Variants in KAZN observed in about 807,000 individuals in gnomAD.
KAZN encodes the protein kazrin.
KAZN carries 40 observed loss-of-function variants against 87.4 expected under a neutral mutation model. That is an observed-to-expected ratio of 0.46 (90% CI 0.36 to 0.60). The LOEUF (loss-of-function observed/expected upper bound fraction) is 0.60, where lower values mean the gene tolerates loss of function less well. Ranked by LOEUF, KAZN falls within the 20% of genes least tolerant of loss-of-function variation. KAZN has a pLI of 0.00. For missense variants in KAZN, 898 were observed against 1,073.9 expected (o/e 0.84, Z 2.29); for synonymous variants, 466 against 458.3 (o/e 1.02, Z -0.22).
intron 2 of KAZN, among the ~76,000 whole-genome samples, chr1:14,535,632 C>T (rs1418294721): frequency 6.6e-6 from 1 of 151,348 alleles, no homozygotes; most frequent in Admixed American, 6.6e-5. Context: ...CACCACTGCA[C>T]TCCAGCCTGG....
chr1:14,976,480 C>G (rs964005896), intron 2 of KAZN, among the ~76,000 whole-genome samples: 1 of 152,216 alleles, frequency 6.6e-6, no homozygotes, highest in Non-Finnish European at 1.5e-5. Context: ...CCATGACGAC[C>G]CAGAACATGG....
chr1:14,441,744 G>A (rs1370578775), intron 2 of KAZN, among the ~76,000 whole-genome samples: 4 of 152,118 alleles, frequency 2.6e-5, no homozygotes, highest in Non-Finnish European at 5.9e-5. Context: ...AAGGACATTT[G>A]GGTGAGAATG....
intron 2 of KAZN, among the ~76,000 whole-genome samples, chr1:14,989,954 G>T (rs578237545): frequency 6.6e-6 from 1 of 152,328 alleles, no homozygotes; most frequent in Non-Finnish European, 1.5e-5. Context: ...AGTAGCTGCC[G>T]TGGGCTGGGG....
chr1:14,729,654 T>C (rs558824675), intron 1 of KAZN, among the ~76,000 whole-genome samples: 5 of 152,172 alleles, frequency 3.3e-5, no homozygotes, highest in Non-Finnish European at 7.3e-5. Flanking sequence ...CTGAGGGTTC[T>C]CTGTCCTCAG....
chr1:14,278,405 C>T (rs1006022912), intron 2 of KAZN, among the ~76,000 whole-genome samples: 2 of 151,386 alleles, frequency 1.3e-5, no homozygotes, highest in African/African-American at 4.9e-5. Flanking sequence ...ATTCGCCAGC[C>T]TCAGCCTCCT....
intron 2 of KAZN, among the ~76,000 whole-genome samples, chr1:14,584,383 A>G (rs1675727098): frequency 6.6e-6 from 1 of 152,224 alleles, no homozygotes; most frequent in Non-Finnish European, 1.5e-5. Context: ...GAGAAAGGCC[A>G]GTGGCACAGG....
At chr1:14,410,590 G>T (rs1664225663) in intron 2 of KAZN, among the ~76,000 whole-genome samples, 1 of 152,196 alleles carries the variant, frequency 6.6e-6, no homozygotes, top group African/African-American at 2.4e-5. Flanking sequence ...GACCTTCACA[G>T]ATGTGAAAAA....
At chr1:15,046,931 T>C (rs962599501) in intron 4 of KAZN, among the ~76,000 whole-genome samples, 41 of 152,118 alleles carry the variant, frequency 2.7e-4, no homozygotes, top group African/African-American at 9.7e-4. Context: ...TTCCTTGGAG[T>C]CCTGGCCTTA....
chr1:14,714,191 T>G (rs1167266084), intron 1 of KAZN, among the ~76,000 whole-genome samples: 1 of 152,198 alleles, frequency 6.6e-6, no homozygotes, highest in African/African-American at 2.4e-5. Flanking sequence ...ATTTTGTTCC[T>G]GCCACCTGGT....
At chr1:14,505,903 G>A (rs1670560734) in intron 2 of KAZN, among the ~76,000 whole-genome samples, 1 of 152,120 alleles carries the variant, frequency 6.6e-6, no homozygotes, top group Non-Finnish European at 1.5e-5. Context: ...GAACCCGGGA[G>A]GTGGAGGTTG....
intron 2 of KAZN, among the ~76,000 whole-genome samples, chr1:14,396,473 A>C (rs1273346565): frequency 2.0e-5 from 3 of 152,224 alleles, no homozygotes; most frequent in Non-Finnish European, 4.4e-5. Context: ...CTCCTTTTCT[A>C]ACTTGTGAAA....
At chr1:14,725,470 T>C (rs976810850) in intron 1 of KAZN, among the ~76,000 whole-genome samples, 72 of 152,184 alleles carry the variant, frequency 4.7e-4, no homozygotes, top group South Asian at 2.1e-4. Flanking sequence ...CTTTTTTTTT[T>C]TTTCTTTCTT....
intron 1 of KAZN, among the ~76,000 whole-genome samples, chr1:14,174,775 CA>C (rs1029996815): frequency 2.6e-5 from 4 of 152,096 alleles, no homozygotes; most frequent in African/African-American, 7.2e-5. Context: ...TAATAGTTAA[CA>C]TTTTTTTACA....
chr1:14,468,468 C>T (rs765874025), intron 2 of KAZN, among the ~76,000 whole-genome samples: 1 of 152,134 alleles, frequency 6.6e-6, no homozygotes, highest in Non-Finnish European at 1.5e-5. Context: ...GCGATCTAGC[C>T]AACGTGCCCA....
chr1:14,439,358 AC>A (rs74795530), intron 2 of KAZN, among the ~76,000 whole-genome samples: 14,913 of 152,184 alleles, frequency 0.098, 1,117 homozygotes, highest in African/African-American at 0.19. Context: ...GATCTGAGCC[AC>A]CATTAGTGAT....
chr1:14,511,391 A>G (rs1670898212), intron 2 of KAZN, among the ~76,000 whole-genome samples: 1 of 152,194 alleles, frequency 6.6e-6, no homozygotes, highest in Non-Finnish European at 1.5e-5. Flanking sequence ...AGCCCCAATC[A>G]CTTCAGGGAG....
chr1:14,551,500 G>A (rs1257102773), intron 2 of KAZN, among the ~76,000 whole-genome samples: 9 of 152,132 alleles, frequency 5.9e-5, no homozygotes, highest in Non-Finnish European at 5.9e-5. Flanking sequence ...ACCGGGCCTG[G>A]TACAAAAGCA....
chr1:13,963,882 C>A (rs546923459), intron 1 of KAZN, among the ~76,000 whole-genome samples: 1 of 151,554 alleles, frequency 6.6e-6, no homozygotes, highest in Admixed American at 6.6e-5. Flanking sequence ...GTGTTTTAAT[C>A]CTACTTCTGC....
At chr1:14,280,718 A>G (rs1652785943) in intron 2 of KAZN, among the ~76,000 whole-genome samples, 1 of 152,218 alleles carries the variant, frequency 6.6e-6, no homozygotes, top group Non-Finnish European at 1.5e-5. Context: ...ACCTTATTAC[A>G]GCAGTCCTGG....
Sources: allele counts gnomAD v4.1 joint callset (sites outside exome capture counted in the v4.1 genomes callset), GRCh38; gene constraint gnomAD v4.1.1; transcripts MANE v1.5; gene names NCBI Gene and HGNC (gene_info 2026-07-23, HGNC 2026-07-21).